The following P2RY14 variants were observed in gnomAD, a reference collection of about 807,000 sequenced individuals.
The protein encoded by P2RY14 is P2Y purinoceptor 14.
Under a neutral mutation model 0.9 loss-of-function variants are expected in P2RY14, and 2 were observed. The observed-to-expected ratio is 2.16, with a 90% CI of 0.88 to 6.79. The LOEUF is 6.79. Among genes scored for constraint, P2RY14 ranks in the 30% most tolerant of loss-of-function variants. The pLI is 0.05. For missense variants in P2RY14, 378 were observed against 400.1 expected (o/e 0.94, Z 0.47); for synonymous variants, 158 against 147.2 (o/e 1.07, Z -0.53).
At chr3:151,256,362 A>G (rs1475245014) in intron 1 of P2RY14, among the ~76,000 whole-genome samples, 1 of 152,098 alleles carries the variant, frequency 6.6e-6, no homozygotes, top group Admixed American at 6.6e-5. Flanking sequence ...GTAATAGGAG[A>G]TATTCTCATC....
rs543916088 is a variant in P2RY14 at position 151,213,666 on chromosome 3, G to A, written c.651C>T (p.His217=). 2 of 1,614,158 alleles carry A rather than the reference G, an allele frequency of 1.2e-6. No individual in the cohort carries two copies. The highest frequency in any genetic ancestry group is 1.7e-6 in the Non-Finnish European group (2 of 1,180,024). Residue 217 remains histidine, a synonymous_variant, in exon 3 of 3, where the codon CAC becomes CAT. Coordinates refer to ENST00000309170, the MANE Select transcript of P2RY14 (RefSeq NM_014879.4). ...TAITKKIFKS[H]LKSSRNSTSV... The stretch of plus-strand genomic sequence containing the variant: ...AAGTGGAATTCCGACTTGACTTAAG[G>A]TGGGACTTAAAGATTTTCTTTGTGA...
chr3:151,269,757 G>T, intron 1 of P2RY14: 1 of 424,260 alleles, frequency 2.4e-6, no homozygotes, highest in South Asian at 1.8e-5. Context: ...ATCTGAATGA[G>T]AGTGGTGATC....
intron 1 of P2RY14, among the ~76,000 whole-genome samples, chr3:151,251,502 CCCGTG>C (rs1365444607): frequency 6.6e-6 from 1 of 152,128 alleles, no homozygotes; most frequent in East Asian, 1.9e-4. Context: ...CCTCCACTCA[CCCGTG>C]AGAGGAATCC....
At chr3:151,239,656 C>G (rs1733675860) in intron 1 of P2RY14, among the ~76,000 whole-genome samples, 2 of 152,244 alleles carry the variant, frequency 1.3e-5, no homozygotes, top group African/African-American at 4.8e-5. Context: ...TACACAAAAG[C>G]TCTTTGAGGT....
chr3:151,238,787 G>C (rs551410032), intron 1 of P2RY14, among the ~76,000 whole-genome samples: 1 of 152,138 alleles, frequency 6.6e-6, no homozygotes, highest in African/African-American at 2.4e-5. Flanking sequence ...AATATTTTGT[G>C]TGCCAAAATA....
chr3:151,217,673 A>G (rs1728510644), intron 2 of P2RY14, among the ~76,000 whole-genome samples: 1 of 152,242 alleles, frequency 6.6e-6, no homozygotes, highest in Admixed American at 6.5e-5. Context: ...GATACAGCAG[A>G]GGCTCATGCC....
intron 1 of P2RY14, among the ~76,000 whole-genome samples, chr3:151,274,134 AAAG>A (rs1410453623): frequency 2.0e-5 from 3 of 152,266 alleles, no homozygotes; most frequent in Non-Finnish European, 4.4e-5. Flanking sequence ...TATTCAGAAA[AAAG>A]GCCTCGCTGC....
chr3:151,262,966 G>C (rs867915424), intron 1 of P2RY14, among the ~76,000 whole-genome samples: 1 of 152,132 alleles, frequency 6.6e-6, no homozygotes, highest in Non-Finnish European at 1.5e-5. Flanking sequence ...AGGGGAAGCC[G>C]TAGTTCTCTA....
rs930789555 is a variant in P2RY14, at chr3:151,243,420, G to T, written c.-132-23778C>A. Among the ~76,000 whole-genome samples the T allele has an allele frequency of 9.9e-4, 3 of 3,016 alleles. No homozygotes were observed. In the African/African-American group the frequency reaches 0.033, roughly 33 times the overall value. 2.0% of individuals were successfully genotyped at this position (3,016 alleles called of 152,430 possible). A position where few individuals can be genotyped will look rare whatever the true frequency, so the allele number is the denominator to read the frequency against. Reference sequence around the variant, plus strand: ...CCATCAGACTAACAGCGGATCTCTCGGCAGAAACCCTACAAGCCAGAAGAG... The same window carrying T: ...CCATCAGACTAACAGCGGATCTCTCTGCAGAAACCCTACAAGCCAGAAGAG... On this transcript the variant is annotated intron_variant, in intron 1 of 2. Coordinates refer to ENST00000309170, the MANE Select transcript of P2RY14 (RefSeq NM_014879.4).
At chr3:151,230,178 G>T (rs368427493) in intron 1 of P2RY14, among the ~76,000 whole-genome samples, 3 of 152,068 alleles carry the variant, frequency 2.0e-5, no homozygotes, top group Admixed American at 6.6e-5. Flanking sequence ...ATTTCACCGT[G>T]TTAGCCAGGA....
At chr3:151,276,935 C>T (rs1215240510) in intron 1 of P2RY14, among the ~76,000 whole-genome samples, 2 of 152,136 alleles carry the variant, frequency 1.3e-5, no homozygotes, top group African/African-American at 2.4e-5. Context: ...CTCACTCTCT[C>T]GCCCAGACTG....
At chr3:151,253,096 G>A (rs1488384263) in intron 1 of P2RY14, among the ~76,000 whole-genome samples, 2 of 152,126 alleles carry the variant, frequency 1.3e-5, no homozygotes, top group East Asian at 1.9e-4. Context: ...AAATTGTAAG[G>A]AAAATGTATT....
intron 2 of P2RY14, among the ~76,000 whole-genome samples, chr3:151,215,565 A>C (rs1728046254): frequency 6.6e-6 from 1 of 152,232 alleles, no homozygotes; most frequent in South Asian, 2.1e-4. Flanking sequence ...GGTGTTATCC[A>C]GAACTTCTAT....
intron 1 of P2RY14, chr3:151,269,844 A>G: frequency 2.2e-6 from 1 of 449,712 alleles, no homozygotes; most frequent in South Asian, 1.6e-5. Context: ...ACGCAGAGTA[A>G]AGTCAGCAGG....
chr3:151,241,200 T>C (rs1162508987), intron 1 of P2RY14, among the ~76,000 whole-genome samples: 1 of 152,244 alleles, frequency 6.6e-6, no homozygotes. Flanking sequence ...CTTTTGAGAC[T>C]ATATCTCTTT....
chr3:151,246,165 G>A (rs1735410677), intron 1 of P2RY14, among the ~76,000 whole-genome samples: 1 of 152,152 alleles, frequency 6.6e-6, no homozygotes, highest in Non-Finnish European at 1.5e-5. Flanking sequence ...TGGGTAGGAA[G>A]AATAAATATC....
At chr3:151,245,216 C>T (rs1735144774) in intron 1 of P2RY14, among the ~76,000 whole-genome samples, 1 of 152,322 alleles carries the variant, frequency 6.6e-6, no homozygotes, top group East Asian at 1.9e-4. Context: ...ACCATTCCTT[C>T]TGAAACTACT....
At chr3:151,250,011 C>T (rs1736527994) in intron 1 of P2RY14, among the ~76,000 whole-genome samples, 1 of 152,090 alleles carries the variant, frequency 6.6e-6, no homozygotes, top group Admixed American at 6.6e-5. Context: ...TAAAATAAAG[C>T]GAAAACCCTC....
chr3:151,275,706 A>G (rs1741736703), intron 1 of P2RY14, among the ~76,000 whole-genome samples: 1 of 152,210 alleles, frequency 6.6e-6, no homozygotes. Flanking sequence ...CCCTGTAAAG[A>G]AGAACCAGAA....
Sources: gnomAD v4.1 joint callset for allele counts (sites outside exome capture counted in the v4.1 genomes callset) on GRCh38, gnomAD v4.1.1 for gene constraint, MANE v1.5 for transcripts, NCBI Gene and HGNC (gene_info 2026-07-23, HGNC 2026-07-21) for gene names.